Variants in TRPM3 observed in about 807,000 individuals in gnomAD.
The protein encoded by TRPM3 is long transient receptor potential channel 3.
TRPM3 carries 77 observed loss-of-function variants against 181.2 expected under a neutral mutation model. The observed-to-expected ratio is 0.42, with a 90% CI of 0.35 to 0.51. The LOEUF is 0.51. TRPM3 is among the 20% of genes least tolerant of loss of function. TRPM3 has a pLI of 0.01. For missense variants in TRPM3, 1,759 were observed against 2,196.7 expected, an observed-to-expected ratio of 0.80 and a Z score of 3.98; for synonymous variants, 745 against 796.4, an observed-to-expected ratio of 0.94 and a Z score of 1.09.
At chr9:71,171,769 G>A (rs10780993) in intron 1 of TRPM3, among the ~76,000 whole-genome samples, 103,169 of 152,064 alleles carry the variant, frequency 0.68, 35,377 homozygotes, top group African/African-American at 0.78. Flanking sequence ...AGGAGGTGTC[G>A]TTCATATGAG....
chr9:70,564,054 G>C (rs560694895), intron 22 of TRPM3, among the ~76,000 whole-genome samples: 21 of 152,290 alleles, frequency 1.4e-4, no homozygotes, highest in African/African-American at 5.1e-4. Flanking sequence ...TTGCCTAGTA[G>C]TTTCATCAGA....
At chr9:71,005,869 T>G (rs2097667915) in intron 1 of TRPM3, among the ~76,000 whole-genome samples, 1 of 152,068 alleles carries the variant, frequency 6.6e-6, no homozygotes, top group African/African-American at 2.4e-5. Context: ...TACAGACAAA[T>G]TCAAAATACT....
At chr9:70,878,507 G>A (rs765557738) in intron 1 of TRPM3, among the ~76,000 whole-genome samples, 3 of 152,080 alleles carry the variant, frequency 2.0e-5, no homozygotes, top group Admixed American at 6.6e-5. Flanking sequence ...CTGTTTTTAC[G>A]TTTATGCTGT....
At chr9:71,347,441 T>C (rs1279676042) in intron 1 of TRPM3, among the ~76,000 whole-genome samples, 1 of 152,222 alleles carries the variant, frequency 6.6e-6, no homozygotes, top group Non-Finnish European at 1.5e-5. Flanking sequence ...TTTTAGTTAA[T>C]TTACTTGCCA....
At chr9:71,393,544 A>G (rs1187658031) in intron 1 of TRPM3, among the ~76,000 whole-genome samples, 1 of 152,202 alleles carries the variant, frequency 6.6e-6, no homozygotes, top group Non-Finnish European at 1.5e-5. Context: ...GAAATCACCA[A>G]GGAAAATCTT....
At chr9:71,357,294 T>C (rs2091942288) in intron 1 of TRPM3, among the ~76,000 whole-genome samples, 1 of 152,196 alleles carries the variant, frequency 6.6e-6, no homozygotes, top group African/African-American at 2.4e-5. Context: ...AAATGTACAA[T>C]TTTATGTCAA....
At chr9:71,381,087 A>G (rs1382439137) in intron 1 of TRPM3, among the ~76,000 whole-genome samples, 1 of 152,124 alleles carries the variant, frequency 6.6e-6, no homozygotes, top group Non-Finnish European at 1.5e-5. Context: ...AAGAAATACA[A>G]GACAATTACT....
At chr9:71,381,999 T>A (rs1346737716) in intron 1 of TRPM3, among the ~76,000 whole-genome samples, 1 of 152,120 alleles carries the variant, frequency 6.6e-6, no homozygotes, top group Admixed American at 6.6e-5. Context: ...CTGTATACTG[T>A]GGTATATGCC....
chr9:70,854,200 A>G (rs2095323367), intron 3 of TRPM3, among the ~76,000 whole-genome samples: 1 of 152,244 alleles, frequency 6.6e-6, no homozygotes, highest in South Asian at 2.1e-4. Context: ...GGCTCACCTT[A>G]CAAATAACAA....
At chr9:70,695,246 C>T (rs183313539) in intron 8 of TRPM3, among the ~76,000 whole-genome samples, 39 of 152,300 alleles carry the variant, frequency 2.6e-4, no homozygotes, top group Non-Finnish European at 4.6e-4. Flanking sequence ...TAACCTTAGG[C>T]CATCTACTGC....
At chr9:71,071,040 A>G (rs978551690) in intron 1 of TRPM3, among the ~76,000 whole-genome samples, 6 of 152,222 alleles carry the variant, frequency 3.9e-5, no homozygotes, top group African/African-American at 1.4e-4. Context: ...CCTTCAATCT[A>G]GTGGACAGCA....
chr9:71,386,356 A>C (rs1013429061), intron 1 of TRPM3, among the ~76,000 whole-genome samples: 2 of 151,852 alleles, frequency 1.3e-5, no homozygotes, highest in African/African-American at 4.8e-5. Context: ...GGCTGAGACA[A>C]GGGAATCACT....
In TRPM3 at chr9:70,620,119, C is replaced by T. The variant is rs1319699314; in HGVS notation, c.2086G>A (p.Asp696Asn). ...TCCTGGGAAATGTCGTCAACCATGT[C>T]GTTCTCAGAGGCCTCATGAGCCATG... ...KAMAHEASEN[D>N]MVDDISQELN... is the part of the protein sequence containing the mutation. The change falls in exon 16 of 26, where the codon GAC (aspartate) becomes AAC (asparagine). Residue 696 changes from aspartate to asparagine, a missense_variant. Asp to Asn is a conservative substitution (Grantham distance 23). Transcript: ENST00000677713. 14 of 1,612,428 alleles carry T rather than the reference C, an allele frequency of 8.7e-6. No individual in the cohort carries two copies. The highest frequency in any genetic ancestry group is 3.3e-5 in the Admixed American group (2 of 59,946).
chr9:71,013,890 TTTCTTAA>T (rs1164874783), intron 1 of TRPM3, among the ~76,000 whole-genome samples: 2 of 152,052 alleles, frequency 1.3e-5, no homozygotes, highest in East Asian at 3.9e-4. Flanking sequence ...TTTTCACTTA[TTTCTTAA>T]TTCTACTGTT....
At chr9:70,753,565 G>A (rs1454626895) in intron 8 of TRPM3, among the ~76,000 whole-genome samples, 1 of 152,102 alleles carries the variant, frequency 6.6e-6, no homozygotes, top group Non-Finnish European at 1.5e-5. Flanking sequence ...ATGGGAGCAG[G>A]GAGGGTGGAA....
chr9:71,257,410 A>C (rs2132052068), intron 1 of TRPM3, among the ~76,000 whole-genome samples: 1 of 152,248 alleles, frequency 6.6e-6, no homozygotes, highest in Non-Finnish European at 1.5e-5. Flanking sequence ...GAAGAGGGAA[A>C]ACAGGAGGAA....
intron 20 of TRPM3, among the ~76,000 whole-genome samples, chr9:70,600,927 A>G (rs4076140): frequency 0.049 from 7,398 of 152,258 alleles, 242 homozygotes; most frequent in Non-Finnish European, 0.075. Flanking sequence ...AAAAGAGATG[A>G]GAGCAGAACA....
chr9:70,560,940 A>ATGCACACC (rs1365381357), intron 22 of TRPM3, among the ~76,000 whole-genome samples: 2 of 152,214 alleles, frequency 1.3e-5, no homozygotes, highest in Non-Finnish European at 2.9e-5. Context: ...TTTATTTAAT[A>ATGCACACC]TGCACACCAT....
At chr9:70,849,738 T>C (rs1473433471) in intron 3 of TRPM3, among the ~76,000 whole-genome samples, 1 of 152,184 alleles carries the variant, frequency 6.6e-6, no homozygotes, top group Non-Finnish European at 1.5e-5. Flanking sequence ...TAAGTATGAA[T>C]GTTAAAGTTG....
Sources: allele counts gnomAD v4.1 joint callset (sites outside exome capture counted in the v4.1 genomes callset), GRCh38; gene constraint gnomAD v4.1.1; transcripts MANE v1.5; gene names NCBI Gene and HGNC (gene_info 2026-07-23, HGNC 2026-07-21).